Variants in ZNF519 observed in about 807,000 individuals in gnomAD.
ZNF519 encodes the protein zinc finger protein 519.
ZNF519 carries 7 observed loss-of-function variants against 7.4 expected under a neutral mutation model. The observed-to-expected ratio is 0.94, with a 90% CI of 0.54 to 1.77. The LOEUF (loss-of-function observed/expected upper bound fraction) is 1.77. Among genes scored for constraint, ZNF519 ranks in the 40% most tolerant of loss-of-function variants. The pLI, the probability that ZNF519 is intolerant of heterozygous loss-of-function variation, is 0.00. For synonymous variants in ZNF519, 179 were observed against 203.3 expected, an observed-to-expected ratio of 0.88 and a Z score of 1.02; for missense variants, 586 against 623.1, an observed-to-expected ratio of 0.94 and a Z score of 0.63.
At chr18:14,126,948 G>A (rs1229111320) in intron 1 of ZNF519, among the ~76,000 whole-genome samples, 1 of 152,186 alleles carries the variant, frequency 6.6e-6, no homozygotes, top group Non-Finnish European at 1.5e-5. Flanking sequence ...TGAGACAGGA[G>A]ACACTCAGGC....
rs182658806 is a variant in ZNF519 at position 14,083,583 on chromosome 18, A to G, written c.*177+1294T>C. ...CAACCTTTATTTCTCGATGATATCA[A>G]TTTTTGAATAATTTATTCCATTCTA... is the stretch of plus-strand genomic sequence containing the variant. On this transcript the variant is annotated intron_variant and NMD_transcript_variant, in intron 3 of 4. Coordinates refer to the ZNF519 transcript ENST00000587419. Among the ~76,000 whole-genome samples the G allele has an allele frequency of 9.9e-5, 15 of 152,158 alleles. No homozygotes were observed. The East Asian group carries it at 2.3e-3, about 24-fold the overall frequency.
intron 2 of ZNF519, chr18:14,090,218 G>A (rs2046108739): frequency 6.6e-6 from 1 of 152,318 alleles, no homozygotes; most frequent in Middle Eastern, 3.4e-3. Flanking sequence ...ACAGATTGAG[G>A]ATAAATACCA....
intron 1 of ZNF519, 48 bp downstream of exon 1, chr18:14,132,227 C>T: frequency 6.2e-7 from 1 of 1,611,360 alleles, no homozygotes; most frequent in Middle Eastern, 1.7e-4. Flanking sequence ...CAGCCGGTTC[C>T]AAGGAGCCCC....
chr18:14,091,836 G>A (rs1267406850), intron 2 of ZNF519, among the ~76,000 whole-genome samples: 1 of 152,116 alleles, frequency 6.6e-6, no homozygotes, highest in African/African-American at 2.4e-5. Context: ...CTGGGGTAAA[G>A]CTTTGCAGGT....
At chr18:14,096,131 C>T (rs1159430214), downstream of ZNF519, among the ~76,000 whole-genome samples, 1 of 152,194 alleles carries the variant, frequency 6.6e-6, no homozygotes, top group African/African-American at 2.4e-5. Flanking sequence ...CTGGGTTTTG[C>T]CATGATGGGC....
chr18:14,123,312 A>G (rs1425028248), intron 2 of ZNF519: 2 of 154,142 alleles, frequency 1.3e-5, no homozygotes, highest in Non-Finnish European at 2.9e-5. Flanking sequence ...GAAATTACAA[A>G]TGATTCTAGA....
intron 3 of ZNF519, among the ~76,000 whole-genome samples, chr18:14,081,443 T>G (rs1257079595): frequency 1.3e-5 from 2 of 152,164 alleles, no homozygotes; most frequent in Non-Finnish European, 2.9e-5. Flanking sequence ...TATCCTTGGC[T>G]CCAAAGATCA....
chr18:14,118,318 A>G (rs1446521206), intron 2 of ZNF519, among the ~76,000 whole-genome samples: 1 of 152,152 alleles, frequency 6.6e-6, no homozygotes, highest in African/African-American at 2.4e-5. Context: ...TCGGCCTACC[A>G]AAGTGCTGGG....
chr18:14,093,970 CCTA>C (rs2046124129), intron 2 of ZNF519, among the ~76,000 whole-genome samples: 1 of 152,214 alleles, frequency 6.6e-6, no homozygotes. Flanking sequence ...CTTTGTCTCT[CCTA>C]CTTATTTTAA....
chr18:14,111,225 C>T (rs1326232977), intron 2 of ZNF519, among the ~76,000 whole-genome samples: 2 of 147,396 alleles, frequency 1.4e-5, no homozygotes, highest in Non-Finnish European at 3.0e-5. Flanking sequence ...GAAAACTCAG[C>T]CAGGCACAGT....
downstream of ZNF519, among the ~76,000 whole-genome samples, chr18:14,097,912 G>T (rs1008962152): frequency 1.3e-5 from 2 of 152,148 alleles, no homozygotes; most frequent in African/African-American, 4.8e-5. Flanking sequence ...CAAGTAGAAA[G>T]TGCGAGGTGA....
intron 1 of ZNF519, among the ~76,000 whole-genome samples, chr18:14,131,378 T>C (rs1202078267): frequency 2.0e-5 from 3 of 152,186 alleles, no homozygotes; most frequent in African/African-American, 4.8e-5. Context: ...CAGTTGATAA[T>C]GTATGGGAGC....
chr18:14,131,885 T>C (rs2143181907), intron 1 of ZNF519, among the ~76,000 whole-genome samples: 1 of 152,306 alleles, frequency 6.6e-6, no homozygotes, highest in East Asian at 1.9e-4. Context: ...TTAATCACTG[T>C]TTACTCATAT....
At chr18:14,111,259 C>G (rs537431289) in intron 2 of ZNF519, among the ~76,000 whole-genome samples, 1 of 148,872 alleles carries the variant, frequency 6.7e-6, no homozygotes, top group Non-Finnish European at 1.5e-5. Flanking sequence ...AATCCCGGCA[C>G]TTTAGGAGGC....
At chr18:14,089,769 A>C (rs960821638) in intron 2 of ZNF519, among the ~76,000 whole-genome samples, 4 of 152,306 alleles carry the variant, frequency 2.6e-5, no homozygotes, top group Admixed American at 2.0e-4. Flanking sequence ...AAAATTTTTT[A>C]AAGGAAAAAA....
At position 14,124,476 on chromosome 18, in the gene ZNF519, C is replaced by T; in HGVS notation, c.4G>A (p.Glu2Lys). ...GCCACATCCCTGAATGTTAAGAGTTCCTGGAAACACATATATCAAGTGACA... is the reference window on the plus strand; with the variant it reads ...GCCACATCCCTGAATGTTAAGAGTTTCTGGAAACACATATATCAAGTGACA... M[E>K]LLTFRDVAIE... Residue 2 changes from glutamate (E) to lysine (K), a missense_variant and splice_region_variant, in exon 2 of 3, where the codon GAA becomes AAA. Coordinates refer to ENST00000590202, the MANE Select transcript of ZNF519 (RefSeq NM_145287.4). The T allele has an allele frequency of 6.2e-7, 1 of 1,608,090 alleles. No homozygotes were observed. Among genetic ancestry groups the T allele is most frequent in the Non-Finnish European group, 8.5e-7 (1 of 1,178,688 alleles).
intron 3 of ZNF519, chr18:14,082,828 T>C (rs965180498): frequency 6.6e-6 from 1 of 152,106 alleles, no homozygotes; most frequent in African/African-American, 2.4e-5. Flanking sequence ...GCTGGGACTA[T>C]AGGCACATAC....
intron 1 of ZNF519, among the ~76,000 whole-genome samples, chr18:14,127,897 C>T (rs1174539117): frequency 6.6e-6 from 1 of 151,132 alleles, no homozygotes; most frequent in Non-Finnish European, 1.5e-5. Context: ...AGAAAGTTCC[C>T]TCTAAAGTGA....
exon 5 of ZNF519, chr18:14,076,612 G>A (rs1192464373): frequency 6.6e-6 from 1 of 152,086 alleles, no homozygotes; most frequent in African/African-American, 2.4e-5. Flanking sequence ...ATTAAAACAT[G>A]AGCCCACTAT....
Sources: allele counts gnomAD v4.1 joint callset (sites outside exome capture counted in the v4.1 genomes callset), GRCh38; gene constraint gnomAD v4.1.1; transcripts MANE v1.5; gene names NCBI Gene and HGNC (gene_info 2026-07-23, HGNC 2026-07-21).